Variants in ATF7IP observed in about 807,000 individuals in gnomAD.
ATF7IP encodes the protein activating transcription factor 7-interacting protein 1.
ATF7IP carries 23 observed loss-of-function variants against 106.4 expected under a neutral mutation model. The ratio of observed to expected loss-of-function variants is 0.22; its 90% CI spans 0.16 to 0.31. The LOEUF is 0.31. Among genes scored for constraint, ATF7IP ranks in the 10% least tolerant of loss-of-function variants. The pLI is 1.00. For synonymous variants in ATF7IP, 542 were observed against 539.0 expected (o/e 1.01, Z -0.08); for missense variants, 1,334 against 1,524.3 (o/e 0.88, Z 2.08).
At chr12:14,378,776 A>G (rs1038661479) in intron 1 of ATF7IP, among the ~76,000 whole-genome samples, 4 of 152,206 alleles carry the variant, frequency 2.6e-5, no homozygotes, top group African/African-American at 9.7e-5. Flanking sequence ...TCATGATGTC[A>G]ACTTTATACC....
At chr12:14,405,282 G>T (rs1940499299) in intron 1 of ATF7IP, among the ~76,000 whole-genome samples, 1 of 151,268 alleles carries the variant, frequency 6.6e-6, no homozygotes, top group South Asian at 2.1e-4. Flanking sequence ...ATTTTAATTA[G>T]ATCTACAAAG....
At chr12:14,483,612 T>A (rs560305848) in intron 13 of ATF7IP, among the ~76,000 whole-genome samples, 57 of 152,034 alleles carry the variant, frequency 3.7e-4, no homozygotes, top group Non-Finnish European at 6.9e-4. Flanking sequence ...GGGGTGAAGG[T>A]GAGTGGTGCT....
intron 6 of ATF7IP, among the ~76,000 whole-genome samples, chr12:14,447,856 A>T (rs1040285446): frequency 3.7e-4 from 57 of 152,118 alleles, no homozygotes; most frequent in African/African-American, 1.3e-3. Context: ...CAGTTTGAAT[A>T]TTTTTTAAAG....
At chr12:14,464,526 C>T (rs576546205) in intron 9 of ATF7IP, among the ~76,000 whole-genome samples, 10 of 152,102 alleles carry the variant, frequency 6.6e-5, no homozygotes, top group East Asian at 1.9e-4. Context: ...TTTATGGAGA[C>T]GTATTCCATA....
At chr12:14,471,101 AT>A (rs1296363841) in intron 10 of ATF7IP, among the ~76,000 whole-genome samples, 1 of 151,972 alleles carries the variant, frequency 6.6e-6, no homozygotes, top group Non-Finnish European at 1.5e-5. Context: ...CAAATTTTTT[AT>A]TATTGATTTT....
intron 1 of ATF7IP, among the ~76,000 whole-genome samples, chr12:14,393,183 T>C (rs1939660706): frequency 6.6e-6 from 1 of 152,210 alleles, no homozygotes; most frequent in Non-Finnish European, 1.5e-5. Context: ...AGTACTTTTA[T>C]TCATGGTTGG....
At chr12:14,462,597 A>G (rs1943685745) in intron 9 of ATF7IP, among the ~76,000 whole-genome samples, 1 of 152,060 alleles carries the variant, frequency 6.6e-6, no homozygotes, top group South Asian at 2.1e-4. Flanking sequence ...CTTGTACTCC[A>G]AACACTTCTA....
intron 2 of ATF7IP, among the ~76,000 whole-genome samples, chr12:14,428,935 A>G (rs1941997275): frequency 6.6e-6 from 1 of 152,162 alleles, no homozygotes; most frequent in Non-Finnish European, 1.5e-5. Flanking sequence ...AATACTCACT[A>G]ATTATTAAAA....
intron 10 of ATF7IP, among the ~76,000 whole-genome samples, chr12:14,475,661 AACGTCTTG>A (rs1944236876): frequency 6.6e-6 from 1 of 152,152 alleles, no homozygotes; most frequent in South Asian, 2.1e-4. Context: ...TTTTTAAGAA[AACGTCTTG>A]AATTTCTTTT....
At chr12:14,495,677 T>TCCTCAACCAA (rs1328107287) in intron 13 of ATF7IP, among the ~76,000 whole-genome samples, 5 of 152,188 alleles carry the variant, frequency 3.3e-5, no homozygotes, top group Non-Finnish European at 5.9e-5. Context: ...GAGCTGGGCA[T>TCCTCAACCAA]GGAGAAAATG....
intron 13 of ATF7IP, among the ~76,000 whole-genome samples, chr12:14,492,480 G>A (rs368625455): frequency 1.3e-5 from 2 of 151,842 alleles, no homozygotes; most frequent in East Asian, 3.9e-4. Context: ...TCATTCAAGG[G>A]GTTCTTGGTC....
chr12:14,426,612 A>G (rs1366971008), intron 2 of ATF7IP, among the ~76,000 whole-genome samples: 3 of 146,514 alleles, frequency 2.0e-5, no homozygotes, highest in Non-Finnish European at 3.0e-5. Context: ...AGATTGCTTG[A>G]GCTCAGGAGT....
chr12:14,449,399 C>CT (rs1453544437), intron 6 of ATF7IP, among the ~76,000 whole-genome samples: 1 of 152,108 alleles, frequency 6.6e-6, no homozygotes, highest in Non-Finnish European at 1.5e-5. Context: ...AGAGGCTGTC[C>CT]TTATCCCGTT....
At chr12:14,384,942 T>C (rs371403577) in intron 1 of ATF7IP, 5 of 155,816 alleles carry the variant, frequency 3.2e-5, no homozygotes, top group African/African-American at 1.2e-4. Context: ...ATGGAGGCTT[T>C]CTTTCAAGCG....
At chr12:14,379,157 C>A (rs934733125) in intron 1 of ATF7IP, among the ~76,000 whole-genome samples, 2 of 152,068 alleles carry the variant, frequency 1.3e-5, no homozygotes, top group African/African-American at 4.8e-5. Flanking sequence ...TAGCACCATC[C>A]CCCTTGGTAC....
intron 6 of ATF7IP, among the ~76,000 whole-genome samples, chr12:14,447,391 C>T (rs1158296502): frequency 2.0e-5 from 3 of 150,340 alleles, no homozygotes; most frequent in Admixed American, 6.7e-5. Flanking sequence ...AAGTGATTCT[C>T]CTGCCTCAGC....
intron 9 of ATF7IP, among the ~76,000 whole-genome samples, chr12:14,463,415 ATTATC>A (rs1281199128): frequency 1.3e-5 from 2 of 152,196 alleles, no homozygotes; most frequent in African/African-American, 2.4e-5. Context: ...GAATGTCTGT[ATTATC>A]TTAGGTTCTT....
chr12:14,427,600 G>A (rs1000009134), intron 2 of ATF7IP, among the ~76,000 whole-genome samples: 3 of 152,042 alleles, frequency 2.0e-5, no homozygotes, highest in Non-Finnish European at 4.4e-5. Flanking sequence ...TCCTGACCTC[G>A]TGATCCTCCT....
chr12:14,389,495 T>TG (rs1200283492), intron 1 of ATF7IP, among the ~76,000 whole-genome samples: 45 of 152,300 alleles, frequency 3.0e-4, no homozygotes, highest in Admixed American at 1.4e-3. Context: ...TTTCCTGTGT[T>TG]TCAGTACAAA....
Sources: allele counts gnomAD v4.1 joint callset (sites outside exome capture counted in the v4.1 genomes callset), GRCh38; gene constraint gnomAD v4.1.1; transcripts MANE v1.5; gene names NCBI Gene and HGNC (gene_info 2026-07-23, HGNC 2026-07-21).